The following ABCC5 variants were observed in gnomAD, a reference collection of about 807,000 sequenced individuals.
ABCC5 encodes ATP-binding cassette sub-family C member 5.
Under a neutral mutation model 160.9 loss-of-function variants are expected in ABCC5, and 61 were observed. The observed-to-expected ratio is 0.38, with a 90% CI of 0.31 to 0.47. The LOEUF (loss-of-function observed/expected upper bound fraction) is 0.47, where lower values mean the gene tolerates loss of function less well. Ranked by LOEUF, ABCC5 falls within the 20% of genes least tolerant of loss-of-function variation. The pLI is 0.99. For missense variants in ABCC5, 1,308 were observed against 1,813.3 expected (o/e 0.72, Z 5.06); for synonymous variants, 666 against 700.6 (o/e 0.95, Z 0.78).
chr3:183,978,353 G>A (rs916447411), intron 9 of ABCC5, 150 bp downstream of exon 9: 3 of 771,812 alleles, frequency 3.9e-6, no homozygotes, highest in Non-Finnish European at 5.9e-6. Context: ...TTTTGAGATG[G>A]AGTCTTGCTC....
At chr3:183,957,466 G>T (rs1716190646) in intron 17 of ABCC5, among the ~76,000 whole-genome samples, 1 of 143,288 alleles carries the variant, frequency 7.0e-6, no homozygotes, top group Non-Finnish European at 1.5e-5. Flanking sequence ...GCGGATCCGT[G>T]TGTATATGAC....
chr3:183,924,401 T>G (rs1712320335), intron 29 of ABCC5, among the ~76,000 whole-genome samples: 1 of 152,148 alleles, frequency 6.6e-6, no homozygotes, highest in Non-Finnish European at 1.5e-5. Flanking sequence ...TTCTCTAGGT[T>G]GTTGTGATGA....
At chr3:184,001,814 C>T (rs73181529) in intron 2 of ABCC5, among the ~76,000 whole-genome samples, 16 of 152,136 alleles carry the variant, frequency 1.1e-4, no homozygotes, top group Non-Finnish European at 2.1e-4. Context: ...TTTAAAGTTT[C>T]CCCTGAAACA....
intron 2 of ABCC5, among the ~76,000 whole-genome samples, chr3:183,996,900 A>G (rs1720332753): frequency 6.6e-6 from 1 of 152,140 alleles, no homozygotes; most frequent in Non-Finnish European, 1.5e-5. Context: ...CAAATTGTCA[A>G]TCTTGTTGTC....
chr3:183,959,277 G>A (rs1020061089), intron 17 of ABCC5, among the ~76,000 whole-genome samples: 1 of 152,158 alleles, frequency 6.6e-6, no homozygotes, highest in Non-Finnish European at 1.5e-5. Flanking sequence ...CTTACTCATA[G>A]TCCTGGTGCT....
rs1718869893 is a variant in ABCC5 at position 183,982,883 on chromosome 3, G to A, written c.716C>T (p.Thr239Ile). ...ACCGGTTCGGTAATTCAATGCCCAAGTCAGTGCAAGCGACCAAGACCGCAC... is the reference window on the plus strand; with the variant it reads ...ACCGGTTCGGTAATTCAATGCCCAAATCAGTGCAAGCGACCAAGACCGCAC... ...EIVRSWSLAL[T>I]WALNYRTGVR... The change falls in exon 6 of 30, where the codon ACT becomes ATT. Residue 239 changes from threonine to isoleucine, a missense_variant. Physicochemically the swap from Thr to Ile is moderately conservative, Grantham distance 89. Coordinates refer to ENST00000334444, the MANE Select transcript of ABCC5 (RefSeq NM_005688.4). This position sits in a 1 kb window ranked among gnomAD's most constrained non-coding sequence, Gnocchi z 5.2. The A allele has an allele frequency of 6.2e-7, 1 of 1,614,124 alleles. No homozygotes were observed. The highest frequency in any genetic ancestry group is 1.1e-5 in the South Asian group (1 of 91,090).
At chr3:183,996,679 G>A (rs4148573) in intron 2 of ABCC5, among the ~76,000 whole-genome samples, 7,092 of 152,208 alleles carry the variant, frequency 0.047, 257 homozygotes, top group East Asian at 0.17. Context: ...CAGGCACTCA[G>A]TGCAATTTTA....
chr3:183,950,286 A>AT (rs4148588), intron 20 of ABCC5, among the ~76,000 whole-genome samples, 161 bp from the exon 21 acceptor site: 330 of 147,740 alleles, frequency 2.2e-3, no homozygotes, highest in Middle Eastern at 0.014. Flanking sequence ...GGATGCTCTG[A>AT]TTTTTTTTTT....
chr3:183,923,487 G>A (rs1006315661), intron 29 of ABCC5, among the ~76,000 whole-genome samples: 1 of 152,094 alleles, frequency 6.6e-6, no homozygotes, highest in African/African-American at 2.4e-5. Context: ...GCCAGGCATG[G>A]TGGCACATGC....
At chr3:184,012,885 A>G (rs915710337) in intron 2 of ABCC5, among the ~76,000 whole-genome samples, 1 of 152,228 alleles carries the variant, frequency 6.6e-6, no homozygotes, top group African/African-American at 2.4e-5. Flanking sequence ...TAATAAAGCA[A>G]TGGCTTTAAC....
rs540201154 is a variant in ABCC5 at position 184,002,484 on chromosome 3, C to T, written c.129+11780G>A. Reference sequence around the variant, plus strand: ...AAGGTTCAAACAAAGATCAGGGAAACACACATTCATAGACACCTCTGGTAT... The same window carrying T: ...AAGGTTCAAACAAAGATCAGGGAAATACACATTCATAGACACCTCTGGTAT... On this transcript the variant is annotated intron_variant, in intron 2 of 29. Transcript: ENST00000334444. 5.9e-5 allele frequency among the ~76,000 whole-genome samples: 9 copies of T among 152,068 alleles called. No homozygotes were observed. The East Asian group carries it at 1.5e-3, about 26-fold the overall frequency.
At chr3:183,995,530 G>A (rs137973293) in intron 2 of ABCC5, among the ~76,000 whole-genome samples, 4 of 152,266 alleles carry the variant, frequency 2.6e-5, no homozygotes, top group East Asian at 3.9e-4. Context: ...CCAGTACCAT[G>A]TGTTGAAAAG....
intron 5 of ABCC5, chr3:183,983,770 T>C (rs1177260656): frequency 1.0e-6 from 1 of 985,390 alleles, no homozygotes; most frequent in Non-Finnish European, 1.2e-6. Flanking sequence ...GAATGTACTT[T>C]TATTGAAAAT....
At chr3:183,984,110 A>C in intron 5 of ABCC5, 1 of 985,294 alleles carries the variant, frequency 1.0e-6, no homozygotes, top group African/African-American at 1.7e-5. Context: ...AACAAAACAA[A>C]ACGAAAAGCT....
chr3:183,960,775 A>G (rs1716647780), intron 16 of ABCC5, among the ~76,000 whole-genome samples: 1 of 138,686 alleles, frequency 7.2e-6, no homozygotes, highest in East Asian at 2.3e-4. Context: ...TCTCCTTTCC[A>G]AGTTTCTCTT....
chr3:183,988,042 T>G lies in ABCC5; in HGVS notation c.444-125A>C. ...CTCACACAAGTCTCTCCTTTAAAATTATGTACATAGTCTTCACCTTCTGGG... is the reference window on the plus strand; with the variant it reads ...CTCACACAAGTCTCTCCTTTAAAATGATGTACATAGTCTTCACCTTCTGGG... On this transcript the variant is annotated intron_variant, in intron 4 of 29. Transcript: ENST00000334444. This position sits in a 1 kb window ranked among gnomAD's most constrained non-coding sequence, Gnocchi z 4.4. 9.4e-7 allele frequency: 1 copy of G among 1,059,258 alleles called. No individual in the cohort carries two copies. Among genetic ancestry groups the G allele is most frequent in the South Asian group, 1.5e-5 (1 of 66,580 alleles). The allele number at this position is 1,059,258 out of a possible 1,614,324, so 65.6% of individuals were successfully genotyped here.
intron 26 of ABCC5, among the ~76,000 whole-genome samples, chr3:183,936,347 C>A (rs1713719272): frequency 6.6e-6 from 1 of 152,142 alleles, no homozygotes; most frequent in Non-Finnish European, 1.5e-5. Context: ...GTATATACAG[C>A]AGCCTGAGCA....
At chr3:184,007,016 CT>C (rs376229755) in intron 2 of ABCC5, among the ~76,000 whole-genome samples, 117 of 81,164 alleles carry the variant, frequency 1.4e-3, no homozygotes, top group African/African-American at 2.7e-3. Context: ...TTTACTTCTG[CT>C]TTTTTTTTTT....
At chr3:183,994,722 G>C (rs1421444591) in intron 2 of ABCC5, among the ~76,000 whole-genome samples, 1 of 152,078 alleles carries the variant, frequency 6.6e-6, no homozygotes, top group East Asian at 1.9e-4. Context: ...GTGTGGTATG[G>C]TATCTTATTG....
Sources: gnomAD v4.1 joint callset for allele counts (sites outside exome capture counted in the v4.1 genomes callset) on GRCh38, gnomAD v4.1.1 for gene constraint, Gnocchi (gnomAD v3.1) non-coding constraint, MANE v1.5 for transcripts, NCBI Gene and HGNC (gene_info 2026-07-23, HGNC 2026-07-21) for gene names.